ACACB: variants seen among roughly 807,000 people sequenced by gnomAD.
ACACB encodes the protein acetyl-CoA carboxylase beta.
A neutral mutation model predicts 278.8 loss-of-function variants in ACACB; 209 were observed. That is an observed-to-expected ratio of 0.75 (90% CI 0.67 to 0.84). ACACB has a LOEUF of 0.84. Ranked by LOEUF, ACACB falls within the 40% of genes least tolerant of loss-of-function variation. ACACB has a pLI of 0.00. For missense variants in ACACB, 2,850 were observed against 3,269.0 expected (o/e 0.87, Z 3.13); for synonymous variants, 1,174 against 1,285.6 (o/e 0.91, Z 1.86).
In ACACB at chr12:109,188,088, A is replaced by G; in HGVS notation, c.2070A>G (p.Gly690=). 2 of 1,613,672 alleles carry G rather than the reference A, an allele frequency of 1.2e-6. No individual in the cohort carries two copies. The highest frequency in any genetic ancestry group is 2.2e-5 in the South Asian group (2 of 91,054). The change falls in exon 13 of 53, where the codon GGA becomes GGG. Residue 690 remains glycine, a synonymous_variant. Coordinates refer to ENST00000338432, the MANE Select transcript of ACACB (RefSeq NM_001093.4). ...VWGYFSVAAT[G]GLHEFADSQF... ...GTTACTTCAGCGTGGCCGCTACTGG[A>G]GGCCTGCACGAGTTTGCGGATTCCC...
At chr12:109,232,612 T>C (rs939570243) in intron 28 of ACACB, 57 bp from the exon 29 acceptor site, 1 of 1,586,216 alleles carries the variant, frequency 6.3e-7, no homozygotes, top group African/African-American at 1.3e-5. Context: ...TAGGAGCAGC[T>C]CGTAGAGTTG....
At position 109,140,265 on chromosome 12, in the gene ACACB, TC is replaced by T. The variant is rs1218585742; in HGVS notation, c.653+209del. ...TTCCTTCCTTCCTTCCATCCTTCCTTCCTTCTTTCCTTCCTTCCTTCCTTCC... is the reference window on the plus strand; with the variant it reads ...TTCCTTCCTTCCTTCCATCCTTCCTTCTTCTTTCCTTCCTTCCTTCCTTCC... On this transcript the variant is annotated intron_variant, in intron 2 of 52. Transcript: ENST00000338432. Among the ~76,000 whole-genome samples the T allele has an allele frequency of 1.4e-4, 11 of 78,654 alleles. 2 individuals carry two copies. Among genetic ancestry groups the T allele is most frequent in the African/African-American group, 3.8e-4 (10 of 26,664 alleles). The allele number at this position is 78,654 out of a possible 152,430, so 51.6% of individuals were successfully genotyped here.
Position 109,172,333 on chromosome 12 carries a change from G to T in ACACB, c.1094G>T (p.Cys365Phe), listed in dbSNP as rs769036400. 2.8e-5 allele frequency: 45 copies of T among 1,614,190 alleles called. No homozygotes were observed. Among genetic ancestry groups the T allele is most frequent in the Non-Finnish European group, 3.6e-5 (43 of 1,180,028 alleles). Residue 365 changes from cysteine (C) to phenylalanine (F), a missense_variant, in exon 6 of 53, where the codon TGC becomes TTC. This residue lies in a region of ACACB where 2,265 missense variants were observed against 2,561.3 expected (regional missense o/e 0.88). Transcript: ENST00000338432. ...AACCCTAAACTTCCGGAGCTGCTGT[G>T]CAAGAATGGAGTTGCTTTCTTAGGT... The part of the protein sequence containing the change: ...SENPKLPELL[C>F]KNGVAFLGPP...
At chr12:109,211,409 C>T (rs1320671656) in intron 21 of ACACB, among the ~76,000 whole-genome samples, 2 of 150,124 alleles carry the variant, frequency 1.3e-5, no homozygotes, top group African/African-American at 4.9e-5. Context: ...ACCACCATTC[C>T]CAGCTATTTT....
chr12:109,128,197 G>A (rs1032516399), intron 1 of ACACB, among the ~76,000 whole-genome samples: 14 of 152,090 alleles, frequency 9.2e-5, no homozygotes, highest in Admixed American at 6.6e-4. Flanking sequence ...CGCCCAGGCC[G>A]CAGTGCAGTG....
chr12:109,137,910 T>TC lies in ACACB; in HGVS notation c.-9-1487_-9-1486insC, dbSNP rs1182895510. Among the ~76,000 whole-genome samples, 19 of 151,578 alleles carry TC rather than the reference T, an allele frequency of 1.3e-4. No individual in the cohort carries two copies. In the South Asian group the frequency reaches 4.0e-3, roughly 32 times the overall value. On this transcript the variant is annotated intron_variant, in intron 1 of 52. Coordinates refer to ENST00000338432, the MANE Select transcript of ACACB (RefSeq NM_001093.4). ...TTTCTTTTCTTTTTCTTTTTTTTTTTGTTTTTGAGACCAAGTCTCACTCTG... is the reference window on the plus strand; with the variant it reads ...TTTCTTTTCTTTTTCTTTTTTTTTTTCGTTTTTGAGACCAAGTCTCACTCTG...
intron 5 of ACACB, 125 bp from the exon 6 acceptor site, chr12:109,172,150 G>A: frequency 1.1e-6 from 1 of 949,198 alleles, no homozygotes; most frequent in East Asian, 2.4e-5. Context: ...TCGAACTCCT[G>A]GGCTCAAGTG....
At chr12:109,241,469 A>G (rs901881518) in intron 36 of ACACB, among the ~76,000 whole-genome samples, 188 bp downstream of exon 36, 2 of 152,136 alleles carry the variant, frequency 1.3e-5, no homozygotes, top group Non-Finnish European at 2.9e-5. Flanking sequence ...TTTTTCACTC[A>G]CCTAAAAAGG....
At chr12:109,113,224 G>A (rs1341216771), upstream of ACACB, 1 of 152,284 alleles carries the variant, frequency 6.6e-6, no homozygotes, top group Non-Finnish European at 1.5e-5. Context: ...ACATTTCCCA[G>A]TGGAGAGAAT....
Position 109,233,608 on chromosome 12 carries a change from C to G in ACACB, c.4140-140C>G, listed in dbSNP as rs1299824733. The G allele has an allele frequency of 1.2e-5, 8 of 694,350 alleles. No homozygotes were observed. The East Asian group carries it at 2.1e-4, about 19-fold the overall frequency. The allele number at this position is 694,350 out of a possible 1,614,324, so 43.0% of individuals were successfully genotyped here. A position where few individuals can be genotyped will look rare whatever the true frequency, so the allele number is the denominator to read the frequency against. On this transcript the variant is annotated intron_variant, in intron 29 of 52. Coordinates refer to ENST00000338432, the MANE Select transcript of ACACB (RefSeq NM_001093.4). ...AAGTAGACAGGGAACCTCCTGAGCTCTGTAGAGTTGGATAAGATCAAAGGG... is the reference window on the plus strand; with the variant it reads ...AAGTAGACAGGGAACCTCCTGAGCTGTGTAGAGTTGGATAAGATCAAAGGG...
chr12:109,252,618 C>T (rs1218873303), intron 42 of ACACB: 1 of 174,520 alleles, frequency 5.7e-6, no homozygotes, highest in East Asian at 1.6e-4. Flanking sequence ...CAGCCAAAGT[C>T]TCAAAGCCTG....
intron 45 of ACACB, 102 bp downstream of exon 45, chr12:109,256,338 C>A: frequency 1.1e-6 from 1 of 882,028 alleles, no homozygotes; most frequent in South Asian, 1.5e-5. Flanking sequence ...TTCTTCTTGG[C>A]CTCAGGATTT....
In ACACB at chr12:109,253,166, A is replaced by T; in HGVS notation, c.6045+8A>T. On this transcript the variant is annotated splice_region_variant and intron_variant, in intron 43 of 52. Coordinates refer to ENST00000338432, the MANE Select transcript of ACACB (RefSeq NM_001093.4). ...CTGTCCTATATGCCAAAGGTGCAGT[A>T]CTCCCCCTGCAGCTTAGAACCTGGA... The T allele has an allele frequency of 6.4e-7, 1 of 1,553,794 alleles. No homozygotes were observed. The highest frequency in any genetic ancestry group is 8.7e-7 in the Non-Finnish European group (1 of 1,144,960).
intron 48 of ACACB, among the ~76,000 whole-genome samples, chr12:109,261,383 C>T (rs906453458): frequency 6.6e-6 from 1 of 152,128 alleles, no homozygotes; most frequent in African/African-American, 2.4e-5. Flanking sequence ...ATTCAGGGCA[C>T]TTAGACCCTT....
Position 109,234,255 on chromosome 12 carries a change from T to C in ACACB, c.4347+210T>C, listed in dbSNP as rs565304765. Among the ~76,000 whole-genome samples the C allele has an allele frequency of 1.1e-4, 16 of 152,302 alleles. No individual in the cohort carries two copies. The South Asian group carries it at 2.9e-3, about 28-fold the overall frequency. On this transcript the variant is annotated intron_variant, in intron 31 of 52. Transcript: ENST00000338432. ...TCAGCATTTCTCTCGCTCACGGTGT[T>C]GCAATGATTCAATGACAAAGTATAT...
At chr12:109,124,636 A>G (rs1461013662) in intron 1 of ACACB, among the ~76,000 whole-genome samples, 1 of 152,146 alleles carries the variant, frequency 6.6e-6, no homozygotes, top group Non-Finnish European at 1.5e-5. Flanking sequence ...TTTCGTTACT[A>G]TAGTGATTTT....
rs549887432 is a variant in ACACB, at chr12:109,237,229, G to A, written c.4511G>A (p.Arg1504Gln). The part of the protein sequence containing the change: ...PALAFQLELN[R>Q]MRNFDLTAVP... ...CTGGCCTTCCAGCTGGAACTTAACC[G>A]GATGCGTAACTTCGATCTGACCGCC... Residue 1504 changes from arginine (R) to glutamine (Q), a missense_variant, in exon 34 of 53, where the codon CGG (arginine) becomes CAG (glutamine). Physicochemically the swap from Arg to Gln is conservative, Grantham distance 43. Coordinates refer to ENST00000338432, the MANE Select transcript of ACACB (RefSeq NM_001093.4). 3.2e-5 allele frequency: 52 copies of A among 1,614,112 alleles called. No homozygotes were observed. Among genetic ancestry groups the A allele is most frequent in the African/African-American group, 5.3e-5 (4 of 75,022 alleles).
chr12:109,187,128 C>T (rs543970722), intron 12 of ACACB, among the ~76,000 whole-genome samples: 11 of 145,766 alleles, frequency 7.5e-5, no homozygotes, highest in South Asian at 2.2e-4. Context: ...TGAGGAAGGA[C>T]GAAGGGAGAG....
chr12:109,222,770 C>A (rs184900865), intron 25 of ACACB, 29 bp from the exon 26 acceptor site: 1 of 1,593,488 alleles, frequency 6.3e-7, no homozygotes, highest in Non-Finnish European at 8.6e-7. Context: ...GGTTGGCTCA[C>A]GCCAGCGCCC....
Sources: gnomAD v4.1 joint callset for allele counts (sites outside exome capture counted in the v4.1 genomes callset) on GRCh38, gnomAD v4.1.1 for gene constraint, gnomAD v4.1.1 regional missense constraint, MANE v1.5 for transcripts, NCBI Gene and HGNC (gene_info 2026-07-23, HGNC 2026-07-21) for gene names.